The following CDH18 variants were observed in gnomAD, a reference collection of about 807,000 sequenced individuals.
CDH18 encodes the protein cadherin-18.
A neutral mutation model predicts 67.9 loss-of-function variants in CDH18; 31 were observed. The observed-to-expected ratio is 0.46, with a 90% CI of 0.34 to 0.62. CDH18 has a LOEUF of 0.62. CDH18 is among the 20% of genes least tolerant of loss of function. The probability of loss-of-function intolerance (pLI) is 0.01; values close to 1 mark genes in which losing one functional copy is unlikely to be tolerated. For synonymous variants in CDH18, 362 were observed against 347.2 expected, an observed-to-expected ratio of 1.04 and a Z score of -0.48; for missense variants, 890 against 975.5, an observed-to-expected ratio of 0.91 and a Z score of 1.17.
intron 2 of CDH18, among the ~76,000 whole-genome samples, chr5:20,010,908 AACTG>A (rs1737381830): frequency 6.6e-6 from 1 of 152,280 alleles, no homozygotes; most frequent in South Asian, 2.1e-4. Flanking sequence ...TTTTACATCC[AACTG>A]ACTACTTAAA....
rs541794169 is a variant in CDH18 at position 20,442,578 on chromosome 5, C to G, written c.-580+132884G>C. ...AAGGCAAGTTATGTCATAAAAGTAA[C>G]AGTCACCTCCTCTGAAAGTGTCATT... On this transcript the variant is annotated intron_variant, in intron 1 of 14. Coordinates refer to the CDH18 transcript ENST00000507958. 5.3e-5 allele frequency among the ~76,000 whole-genome samples: 8 copies of G among 151,894 alleles called. No homozygotes were observed. In the South Asian group the frequency reaches 1.7e-3, roughly 32 times the overall value.
chr5:19,654,032 T>G (rs1755964636), intron 5 of CDH18, among the ~76,000 whole-genome samples: 1 of 152,200 alleles, frequency 6.6e-6, no homozygotes, highest in Non-Finnish European at 1.5e-5. Context: ...GCCCATAATG[T>G]GTATAAATCT....
intron 2 of CDH18, among the ~76,000 whole-genome samples, chr5:20,062,175 T>TTATTATTATTATTAC (rs1395580896): frequency 6.8e-6 from 1 of 147,856 alleles, no homozygotes; most frequent in Non-Finnish European, 1.5e-5. Flanking sequence ...ATTATTATTA[T>TTATTATTATTATTAC]TGAGACAGTC....
intron 2 of CDH18, among the ~76,000 whole-genome samples, chr5:19,866,471 G>T (rs1785510527): frequency 6.6e-6 from 1 of 152,170 alleles, no homozygotes; most frequent in African/African-American, 2.4e-5. Flanking sequence ...GCTGGGTTTT[G>T]TCAGATAAAG....
chr5:20,141,760 G>C (rs1289238909), intron 2 of CDH18, among the ~76,000 whole-genome samples: 2 of 152,018 alleles, frequency 1.3e-5, no homozygotes, highest in Non-Finnish European at 2.9e-5. Context: ...ATAAAAGTCA[G>C]ATAACATCTG....
chr5:20,181,978 A>T (rs1172102410), intron 2 of CDH18, among the ~76,000 whole-genome samples: 2 of 152,122 alleles, frequency 1.3e-5, no homozygotes, highest in Non-Finnish European at 2.9e-5. Context: ...ATCCCTAAGT[A>T]TGGCAACATA....
intron 1 of CDH18, among the ~76,000 whole-genome samples, chr5:20,466,739 T>C (rs1751658993): frequency 6.6e-6 from 1 of 152,114 alleles, no homozygotes; most frequent in African/African-American, 2.4e-5. Context: ...ATATCCCATG[T>C]GAGACATGCA....
At chr5:19,700,806 T>C (rs1305500748) in intron 5 of CDH18, among the ~76,000 whole-genome samples, 1 of 152,184 alleles carries the variant, frequency 6.6e-6, no homozygotes, top group East Asian at 1.9e-4. Flanking sequence ...CTATGGGCCT[T>C]GTTTCCATCA....
At chr5:19,565,353 A>C (rs528367388) in intron 8 of CDH18, among the ~76,000 whole-genome samples, 1 of 152,266 alleles carries the variant, frequency 6.6e-6, no homozygotes, top group African/African-American at 2.4e-5. Flanking sequence ...ATGGACAGAG[A>C]AACTCCATTT....
chr5:20,074,935 A>C (rs1431956352), intron 2 of CDH18, among the ~76,000 whole-genome samples: 1 of 152,190 alleles, frequency 6.6e-6, no homozygotes, highest in Non-Finnish European at 1.5e-5. Flanking sequence ...TAAAAGAATT[A>C]AATACCTATA....
chr5:20,547,338 G>A (rs1465765422), intron 1 of CDH18, among the ~76,000 whole-genome samples: 3 of 151,852 alleles, frequency 2.0e-5, no homozygotes, highest in Non-Finnish European at 2.9e-5. Flanking sequence ...CGAGTTGGGC[G>A]GATCATTAGG....
At chr5:20,046,918 C>CG (rs1740950535) in intron 2 of CDH18, among the ~76,000 whole-genome samples, 1 of 151,480 alleles carries the variant, frequency 6.6e-6, no homozygotes. Context: ...TGCCGTAAGG[C>CG]GAGAGCAGCA....
intron 1 of CDH18, among the ~76,000 whole-genome samples, chr5:20,337,094 C>T (rs1739845346): frequency 6.6e-6 from 1 of 152,188 alleles, no homozygotes; most frequent in Non-Finnish European, 1.5e-5. Flanking sequence ...AACCTGATTT[C>T]AGACCCCCTC....
At chr5:20,047,251 C>G (rs1740986644) in intron 2 of CDH18, among the ~76,000 whole-genome samples, 1 of 151,610 alleles carries the variant, frequency 6.6e-6, no homozygotes, top group African/African-American at 2.4e-5. Context: ...TGCATGCAAG[C>G]TGGTAGATTT....
At chr5:19,634,798 G>A (rs749593085) in intron 5 of CDH18, among the ~76,000 whole-genome samples, 5 of 151,826 alleles carry the variant, frequency 3.3e-5, no homozygotes, top group East Asian at 1.9e-4. Flanking sequence ...TTAGCCTGGC[G>A]TGGTGGCACA....
chr5:19,626,443 A>C (rs1410206357), intron 5 of CDH18, among the ~76,000 whole-genome samples: 1 of 152,192 alleles, frequency 6.6e-6, no homozygotes, highest in Non-Finnish European at 1.5e-5. Flanking sequence ...CAAGTGTGAG[A>C]TCATGAAGAG....
chr5:19,952,350 A>C (rs1795877453), intron 2 of CDH18, among the ~76,000 whole-genome samples: 1 of 152,094 alleles, frequency 6.6e-6, no homozygotes, highest in Non-Finnish European at 1.5e-5. Context: ...CACCCAGCCT[A>C]TACTTTTCCA....
chr5:19,524,080 T>C (rs1466747574), intron 9 of CDH18, among the ~76,000 whole-genome samples: 1 of 151,938 alleles, frequency 6.6e-6, no homozygotes, highest in Non-Finnish European at 1.5e-5. Context: ...TTTAGGATAA[T>C]GCTTTTGTAA....
rs142007739 is a variant in CDH18 at position 19,997,976 on chromosome 5, T to C, written c.-517-5962A>G. ...TTAAAGATGTTCATAAAACCTTGTA[T>C]ACAAAAAGAAAGTCAGGTAGAAGCA... On this transcript the variant is annotated intron_variant, in intron 2 of 14. Transcript: ENST00000507958. Among the ~76,000 whole-genome samples the C allele has an allele frequency of 3.0e-3, 455 of 152,204 alleles. 3 individuals carry two copies. The highest frequency in any genetic ancestry group is 0.01 in the African/African-American group (424 of 41,524).
Sources: gnomAD v4.1 joint callset for allele counts (sites outside exome capture counted in the v4.1 genomes callset) on GRCh38, gnomAD v4.1.1 for gene constraint, MANE v1.5 for transcripts, NCBI Gene and HGNC (gene_info 2026-07-23, HGNC 2026-07-21) for gene names.